The following PRKCA variants were observed in gnomAD, a reference collection of about 807,000 sequenced individuals.
PRKCA encodes protein kinase C alpha type.
In PRKCA, 27 loss-of-function variants were observed where a neutral mutation model predicts 87.0. The ratio of observed to expected loss-of-function variants is 0.31; its 90% confidence interval spans 0.23 to 0.43. The LOEUF (loss-of-function observed/expected upper bound fraction) is 0.43. Among genes scored for constraint, PRKCA ranks in the 20% least tolerant of loss-of-function variants. The probability of loss-of-function intolerance (pLI) is 1.00; values close to 1 mark genes in which losing one functional copy is unlikely to be tolerated. For synonymous variants in PRKCA, 329 were observed against 311.1 expected (o/e 1.06, Z -0.61); for missense variants, 518 against 852.3 (o/e 0.61, Z 4.88).
intron 5 of PRKCA, among the ~76,000 whole-genome samples, chr17:66,667,408 T>G (rs1972070021): frequency 6.6e-6 from 1 of 152,168 alleles, no homozygotes; most frequent in Non-Finnish European, 1.5e-5. Flanking sequence ...CTCAGGAAAC[T>G]TACAATCATG....
chr17:66,422,592 T>A (rs985698170), intron 2 of PRKCA, among the ~76,000 whole-genome samples: 1 of 152,168 alleles, frequency 6.6e-6, no homozygotes, highest in African/African-American at 2.4e-5. Flanking sequence ...TGTGCAATAA[T>A]ATAGAAATAG....
chr17:66,753,276 C>T (rs1173223505), intron 13 of PRKCA, among the ~76,000 whole-genome samples: 1 of 152,226 alleles, frequency 6.6e-6, no homozygotes, highest in Non-Finnish European at 1.5e-5. Flanking sequence ...AGACAACAAC[C>T]TGGGTACTCA....
chr17:66,770,790 CAG>C (rs370119623), intron 13 of PRKCA, among the ~76,000 whole-genome samples: 13 of 152,036 alleles, frequency 8.6e-5, no homozygotes, highest in Middle Eastern at 3.4e-3. Context: ...GTTGCAGTGT[CAG>C]AGAAAAAGCA....
chr17:66,625,706 T>C (rs1026646795), intron 3 of PRKCA, among the ~76,000 whole-genome samples: 1 of 152,228 alleles, frequency 6.6e-6, no homozygotes, highest in African/African-American at 2.4e-5. Context: ...TTTATCCTCA[T>C]ACCAGAAGAA....
intron 3 of PRKCA, among the ~76,000 whole-genome samples, chr17:66,627,686 A>G (rs1437971356): frequency 6.6e-6 from 1 of 152,206 alleles, no homozygotes; most frequent in African/African-American, 2.4e-5. Context: ...CTAAGTGCCA[A>G]AGAGGCCAAT....
intron 2 of PRKCA, among the ~76,000 whole-genome samples, chr17:66,428,016 A>C (rs1489441030): frequency 6.6e-5 from 10 of 152,180 alleles, no homozygotes; most frequent in Admixed American, 4.6e-4. Context: ...GTACTGAGCA[A>C]AGACTTAAGG....
chr17:66,755,772 T>G (rs1974533808), intron 13 of PRKCA, among the ~76,000 whole-genome samples: 1 of 152,088 alleles, frequency 6.6e-6, no homozygotes, highest in Non-Finnish European at 1.5e-5. Context: ...GACTGGAAAA[T>G]CAACAATTCT....
chr17:66,368,139 G>A (rs560495993), intron 2 of PRKCA, among the ~76,000 whole-genome samples: 1 of 152,014 alleles, frequency 6.6e-6, no homozygotes, highest in South Asian at 2.1e-4. Flanking sequence ...GAGATTGAAG[G>A]TTAATTTTGG....
At position 66,418,961 on chromosome 17, in the gene PRKCA, C is replaced by T. The variant is rs1229266304; in HGVS notation, c.206-77240C>T. Among the ~76,000 whole-genome samples the T allele has an allele frequency of 5.3e-5, 8 of 151,372 alleles. No homozygotes were observed. The South Asian group carries it at 1.1e-3, about 20-fold the overall frequency. ...ATTTTTAGTAGAGAAGGGGTTTCAC[C>T]GTGTTAGCCAGTATGGTCTTGATCT... On this transcript the variant is annotated intron_variant, in intron 2 of 16. Coordinates refer to ENST00000413366, the MANE Select transcript of PRKCA (RefSeq NM_002737.3).
At chr17:66,659,758 A>C (rs1250150997) in intron 5 of PRKCA, among the ~76,000 whole-genome samples, 1 of 152,074 alleles carries the variant, frequency 6.6e-6, no homozygotes, top group Non-Finnish European at 1.5e-5. Flanking sequence ...AGAAGTCACT[A>C]ATGTGATTGT....
intron 3 of PRKCA, among the ~76,000 whole-genome samples, chr17:66,520,567 A>G (rs1422146639): frequency 6.6e-6 from 1 of 152,236 alleles, no homozygotes; most frequent in East Asian, 1.9e-4. Context: ...AGAACAGAAT[A>G]ACTTTGAATG....
chr17:66,334,421 TTTG>T (rs576909880), intron 2 of PRKCA, among the ~76,000 whole-genome samples: 3 of 152,226 alleles, frequency 2.0e-5, no homozygotes, highest in African/African-American at 4.8e-5. Context: ...TTTTAGGTCT[TTTG>T]TTAAGAATAT....
chr17:66,732,117 GA>G (rs145066046), intron 8 of PRKCA, among the ~76,000 whole-genome samples: 15,081 of 125,106 alleles, frequency 0.12, 937 homozygotes, highest in East Asian at 0.32. Flanking sequence ...TGATTTAAAA[GA>G]AAAAAAAAAT....
chr17:66,326,312 TA>T (rs1299982362), intron 2 of PRKCA, among the ~76,000 whole-genome samples: 3 of 152,180 alleles, frequency 2.0e-5, no homozygotes, highest in Non-Finnish European at 4.4e-5. Context: ...TGCATATCTT[TA>T]AAAGCAAATG....
At chr17:66,732,547 A>T in intron 8 of PRKCA, 141 bp from the exon 9 acceptor site, 1 of 985,960 alleles carries the variant, frequency 1.0e-6, no homozygotes, top group Non-Finnish European at 1.6e-6. Flanking sequence ...CTGAACAGGT[A>T]CTCAATTCTC....
chr17:66,517,055 G>A (rs1394184083), intron 3 of PRKCA, among the ~76,000 whole-genome samples: 1 of 152,188 alleles, frequency 6.6e-6, no homozygotes, highest in African/African-American at 2.4e-5. Context: ...GGAAGCCGAG[G>A]CGGGCGGATC....
chr17:66,594,461 G>T (rs565713193), intron 3 of PRKCA, among the ~76,000 whole-genome samples: 1 of 152,096 alleles, frequency 6.6e-6, no homozygotes. Flanking sequence ...AGTTTCCAGC[G>T]TCTCTTTATT....
intron 8 of PRKCA, among the ~76,000 whole-genome samples, chr17:66,707,125 A>G (rs964557857): frequency 9.2e-5 from 14 of 152,046 alleles, no homozygotes; most frequent in African/African-American, 3.4e-4. Flanking sequence ...CACCATGCTC[A>G]TTAATGCATC....
intron 3 of PRKCA, among the ~76,000 whole-genome samples, chr17:66,506,564 C>T (rs1034666211): frequency 3.3e-5 from 5 of 152,058 alleles, no homozygotes; most frequent in African/African-American, 9.7e-5. Flanking sequence ...CGTATTTATC[C>T]GGTCTTGAAT....
Sources: allele counts gnomAD v4.1 joint callset (sites outside exome capture counted in the v4.1 genomes callset), GRCh38; gene constraint gnomAD v4.1.1; transcripts MANE v1.5; gene names NCBI Gene and HGNC (gene_info 2026-07-23, HGNC 2026-07-21).